The following OR52N4 variants were observed in gnomAD, a reference collection of about 807,000 sequenced individuals.
The protein encoded by OR52N4 is olfactory receptor 52N4.
Under a neutral mutation model 15.0 loss-of-function variants are expected in OR52N4, and 15 were observed. That is an observed-to-expected ratio of 1.00 (90% CI 0.67 to 1.54). The LOEUF is 1.54. Ranked by LOEUF, OR52N4 falls within the 40% of genes most tolerant of loss-of-function variation. The probability of loss-of-function intolerance (pLI) is 0.00; values close to 1 mark genes in which losing one functional copy is unlikely to be tolerated. For synonymous variants in OR52N4, 143 were observed against 143.7 expected, an observed-to-expected ratio of 1.00 and a Z score of 0.03; for missense variants, 421 against 394.0, an observed-to-expected ratio of 1.07 and a Z score of -0.58.
chr11:5,750,534 CTA>C (rs1461030575), upstream of OR52N4, among the ~76,000 whole-genome samples: 1 of 151,778 alleles, frequency 6.6e-6, no homozygotes, highest in African/African-American at 2.4e-5. Context: ...AATCGTGACA[CTA>C]TTGAATAGTT....
In OR52N4 at chr11:5,755,726, G is replaced by C; in HGVS notation, c.*20G>C. 1 of 1,599,068 alleles carries C rather than the reference G, an allele frequency of 6.3e-7. No homozygotes were observed. Among genetic ancestry groups the C allele is most frequent in the Non-Finnish European group, 8.5e-7 (1 of 1,172,996 alleles). On this transcript the variant is annotated 3_prime_UTR_variant, in exon 2 of 2. Coordinates refer to ENST00000641350, the MANE Select transcript of OR52N4 (RefSeq NM_001005175.5). ...ATGTGAATGAACACTTGCCAGGAGT[G>C]AGAAGAGAAGGAAAGAATTACTTCT...
chr11:5,750,374 A>G (rs949687630), upstream of OR52N4, among the ~76,000 whole-genome samples: 1 of 151,976 alleles, frequency 6.6e-6, no homozygotes, highest in Non-Finnish European at 1.5e-5. Context: ...AGCATTTTCC[A>G]TTACTTGAAA....
At chr11:5,742,164 AAAGG>A in the OR52N4 span, among the ~76,000 whole-genome samples, 30 of 152,126 alleles carry the variant, frequency 2.0e-4, no homozygotes, top group Admixed American at 4.6e-4. Flanking sequence ...AAAACAGAAA[AAAGG>A]AAGGAAGGAA....
At position 5,754,699 on chromosome 11, in the gene OR52N4, C is replaced by T. The variant is rs778040330; in HGVS notation, c.-42C>T. 2.6e-6 allele frequency: 4 copies of T among 1,534,152 alleles called. No individual in the cohort carries two copies. Among genetic ancestry groups the T allele is most frequent in the Admixed American group, 4.2e-5 (2 of 47,448 alleles). On this transcript the variant is annotated 5_prime_UTR_variant, in exon 2 of 2. Coordinates refer to ENST00000641350, the MANE Select transcript of OR52N4 (RefSeq NM_001005175.5). ...TTTTTTTTTTTAACTCTAGGAAAGC[C>T]CAGACAAATTTTGAGCTATTTCATA...
Position 5,755,287 on chromosome 11 carries a change from C to G in OR52N4, c.547C>G (p.His183Asp), listed in dbSNP as rs765282712. ...GNILPHTYCDHMSVAKLSCGN... is the reference protein window; with the variant it reads ...GNILPHTYCDDMSVAKLSCGN... ...TATACTTCCCCATACCTACTGTGAC[C>G]ACATGTCTGTAGCCAAATTGTCCTG... The change falls in exon 2 of 2, where the codon CAC becomes GAC. Residue 183 changes from histidine to aspartate, a missense_variant. His to Asp is a moderately conservative substitution (Grantham distance 81). Coordinates refer to ENST00000641350, the MANE Select transcript of OR52N4 (RefSeq NM_001005175.5). The G allele has an allele frequency of 6.2e-7, 1 of 1,613,924 alleles. No homozygotes were observed. The highest frequency in any genetic ancestry group is 8.5e-7 in the Non-Finnish European group (1 of 1,179,976).
rs774404263 is a variant in OR52N4, at chr11:5,755,200, G to A, written c.460G>A (p.Gly154Arg). Reference protein sequence around the residue: ...AKVGTATFLRGVLLIIPFTFL... With the variant: ...AKVGTATFLRRVLLIIPFTFL... ...GGTTGGGACTGCCACCTTCCTGAGA[G>A]GGGTATTACTCATTATTCCCTTTAC... Residue 154 changes from glycine to arginine, a missense_variant, in exon 2 of 2, where the codon GGG becomes AGG. By Grantham distance (125) the Gly-to-Arg change is moderately radical. Transcript: ENST00000641350. 1 of 1,614,006 alleles carries A rather than the reference G, an allele frequency of 6.2e-7. No homozygotes were observed. Among genetic ancestry groups the A allele is most frequent in the East Asian group, 2.2e-5 (1 of 44,860 alleles).
chr11:5,736,710 A>C, the OR52N4 span: 25 of 1,613,902 alleles, frequency 1.5e-5, no homozygotes, highest in Non-Finnish European at 2.0e-5. Flanking sequence ...CCTTCTTTAC[A>C]GCAGCCCATG....
the OR52N4 span, among the ~76,000 whole-genome samples, chr11:5,749,044 AC>A: frequency 6.6e-6 from 1 of 152,080 alleles, no homozygotes; most frequent in African/African-American, 2.4e-5. Context: ...GGGACACATA[AC>A]ATGTATTTTT....
Position 5,755,899 on chromosome 11 carries a change from T to C in OR52N4, c.*193T>C. On this transcript the variant is annotated 3_prime_UTR_variant, in exon 2 of 2. Transcript: ENST00000641350. ...CCCACCAACATTTCTATAAATTTTT[T>C]ACCTTCTCACTCATGTGAAGGACCA... 1.5e-6 allele frequency: 1 copy of C among 650,600 alleles called. No individual in the cohort carries two copies. Among genetic ancestry groups the C allele is most frequent in the Non-Finnish European group, 2.5e-6 (1 of 395,222 alleles). 40.3% of individuals were successfully genotyped at this position (650,600 alleles called of 1,614,324 possible).
chr11:5,745,889 C>A, the OR52N4 span, among the ~76,000 whole-genome samples: 5 of 152,108 alleles, frequency 3.3e-5, no homozygotes, highest in Non-Finnish European at 7.4e-5. Context: ...AGCATAGTAA[C>A]CAAAATGCAT....
At chr11:5,733,708 A>C in the OR52N4 span, among the ~76,000 whole-genome samples, 7 of 152,164 alleles carry the variant, frequency 4.6e-5, no homozygotes, top group Non-Finnish European at 8.8e-5. Context: ...CTTTATGCCT[A>C]ACATGTTTTT....
At position 5,755,571 on chromosome 11, in the gene OR52N4, C is replaced by T. The variant is rs748356935; in HGVS notation, c.831C>T (p.Ile277=). 3 of 1,613,900 alleles carry T rather than the reference C, an allele frequency of 1.9e-6. No individual in the cohort carries two copies. In the Admixed American group the frequency reaches 5.0e-5, roughly 27 times the overall value. ...ACATAATCCCCCCTTCTTGCCACAT[C>T]ATTGTAGCCAATATTTATCTGCTCC... ...GEHIIPPSCH[I]IVANIYLLLP... is the part of the protein sequence containing the mutation. The change falls in exon 2 of 2, where the codon ATC becomes ATT. Residue 277 remains isoleucine (I), a synonymous_variant. Transcript: ENST00000641350.
upstream of OR52N4, among the ~76,000 whole-genome samples, chr11:5,750,288 T>C (rs1854163328): frequency 6.6e-6 from 1 of 151,888 alleles, no homozygotes; most frequent in South Asian, 2.1e-4. Context: ...GCAGGTTCAA[T>C]ACAGATCTAC....
At chr11:5,737,485 A>T in the OR52N4 span, 252 of 1,608,008 alleles carry the variant, frequency 1.6e-4, no homozygotes, top group African/African-American at 3.1e-3. Context: ...AAGAAATAAG[A>T]TCTTAGAGAC....
At chr11:5,736,713 AGCC>A in the OR52N4 span, 8 of 1,613,918 alleles carry the variant, frequency 5.0e-6, no homozygotes, top group South Asian at 6.6e-5. Flanking sequence ...TCTTTACAGC[AGCC>A]CATGTATATT....
At chr11:5,729,093 G>A in the OR52N4 span, among the ~76,000 whole-genome samples, 1 of 125,984 alleles carries the variant, frequency 7.9e-6, no homozygotes, top group Non-Finnish European at 1.7e-5. Flanking sequence ...CTGTGTCCAT[G>A]TATCTAATCC....
At chr11:5,737,997 A>G in the OR52N4 span, 2 of 156,254 alleles carry the variant, frequency 1.3e-5, no homozygotes, top group Admixed American at 1.2e-4. Flanking sequence ...AAATCAGTCA[A>G]TGATGAGGAT....
Position 5,755,860 on chromosome 11 carries a change from A to G in OR52N4, c.*154A>G. On this transcript the variant is annotated 3_prime_UTR_variant, in exon 2 of 2. Coordinates refer to ENST00000641350, the MANE Select transcript of OR52N4 (RefSeq NM_001005175.5). The stretch of plus-strand genomic sequence containing the variant: ...CTCAATAAGTACCTTGGGAATCTCA[A>G]CATCATTGGAAGGCCCACCAACATT... 2.3e-6 allele frequency: 2 copies of G among 886,722 alleles called. No individual in the cohort carries two copies. The highest frequency in any genetic ancestry group is 1.7e-6 in the Non-Finnish European group (1 of 602,714). The allele number at this position is 886,722 out of a possible 1,614,324, so 54.9% of individuals were successfully genotyped here. A position where few individuals can be genotyped will look rare whatever the true frequency, so the allele number is the denominator to read the frequency against.
chr11:5,753,571 T>C (rs1227123486), upstream of OR52N4, among the ~76,000 whole-genome samples: 3 of 152,178 alleles, frequency 2.0e-5, no homozygotes, highest in Admixed American at 6.5e-5. Flanking sequence ...AAAGATATCT[T>C]GAAAAGTGAA....
Sources: allele counts gnomAD v4.1 joint callset (sites outside exome capture counted in the v4.1 genomes callset), GRCh38; gene constraint gnomAD v4.1.1; transcripts MANE v1.5; gene names NCBI Gene and HGNC (gene_info 2026-07-23, HGNC 2026-07-21).